Variants in ANKRD44 observed in about 807,000 individuals in gnomAD.
ANKRD44 encodes the protein ankyrin repeat domain 44.
In ANKRD44, 35 loss-of-function variants were observed where a neutral mutation model predicts 116.0. That is an observed-to-expected ratio of 0.30 (90% CI 0.23 to 0.40). The LOEUF (loss-of-function observed/expected upper bound fraction) is 0.40. ANKRD44 is among the 10% of genes least tolerant of loss of function. The pLI is 1.00. For missense variants in ANKRD44, 1,014 were observed against 1,242.6 expected (o/e 0.82, Z 2.77); for synonymous variants, 435 against 461.8 (o/e 0.94, Z 0.74).
rs2125275959 is a variant in ANKRD44 at position 197,110,858 on chromosome 2, A to G, written c.907-14T>C. The G allele has an allele frequency of 1.2e-6, 2 of 1,609,542 alleles. No individual in the cohort carries two copies. Among genetic ancestry groups the G allele is most frequent in the East Asian group, 4.5e-5 (2 of 44,854 alleles). On this transcript the variant is annotated splice_polypyrimidine_tract_variant and intron_variant, in intron 8 of 27. Coordinates refer to ENST00000282272, the MANE Select transcript of ANKRD44 (RefSeq NM_001195144.2). ...GCCATCTTTACTCTAAAAAAAAGAGAGGGAGAGAAAAACAATGGAGGTGCT... is the reference window on the plus strand; with the variant it reads ...GCCATCTTTACTCTAAAAAAAAGAGGGGGAGAGAAAAACAATGGAGGTGCT...
intron 3 of ANKRD44, among the ~76,000 whole-genome samples, chr2:197,144,370 G>A (rs1382739103): frequency 2.0e-5 from 3 of 152,152 alleles, no homozygotes; most frequent in East Asian, 1.9e-4. Flanking sequence ...ATTAAATTAG[G>A]AAACAGTTTG....
chr2:197,257,868 T>C (rs1320680464), intron 1 of ANKRD44, among the ~76,000 whole-genome samples: 1 of 152,222 alleles, frequency 6.6e-6, no homozygotes, highest in Non-Finnish European at 1.5e-5. Flanking sequence ...TGAAACTCCG[T>C]GCCAATTAAA....
At chr2:197,079,226 G>A (rs976039185) in intron 15 of ANKRD44, among the ~76,000 whole-genome samples, 4 of 151,652 alleles carry the variant, frequency 2.6e-5, no homozygotes, top group Admixed American at 2.6e-4. Flanking sequence ...AATAGGGAGG[G>A]GTTTACTCTT....
intron 1 of ANKRD44, among the ~76,000 whole-genome samples, chr2:197,252,789 AT>A (rs2105672927): frequency 6.6e-6 from 1 of 152,278 alleles, no homozygotes; most frequent in South Asian, 2.1e-4. Flanking sequence ...ATTTATATTG[AT>A]TTTTAAATGC....
intron 4 of ANKRD44, among the ~76,000 whole-genome samples, chr2:197,128,473 T>G (rs1361299462): frequency 6.6e-6 from 1 of 152,242 alleles, no homozygotes; most frequent in Non-Finnish European, 1.5e-5. Context: ...CTTTGCCCAC[T>G]TTTTAAAGGG....
chr2:197,172,356 C>T (rs932381078), intron 2 of ANKRD44, among the ~76,000 whole-genome samples: 6 of 152,112 alleles, frequency 3.9e-5, no homozygotes, highest in African/African-American at 1.4e-4. Flanking sequence ...GGTAGGTAAG[C>T]TGAAAAGCTC....
intron 10 of ANKRD44, among the ~76,000 whole-genome samples, chr2:197,091,541 T>C (rs1375608270): frequency 6.6e-6 from 1 of 152,160 alleles, no homozygotes; most frequent in African/African-American, 2.4e-5. Context: ...GTGTATTTTG[T>C]AGAGACAGGG....
At chr2:197,075,202 T>TA (rs935366222) in intron 16 of ANKRD44, among the ~76,000 whole-genome samples, 12 of 152,236 alleles carry the variant, frequency 7.9e-5, no homozygotes, top group Non-Finnish European at 1.3e-4. Flanking sequence ...TCCATTTCAA[T>TA]AAAAAAGCCT....
intron 21 of ANKRD44, among the ~76,000 whole-genome samples, chr2:196,978,083 C>T (rs2125862904): frequency 2.0e-5 from 3 of 152,254 alleles, no homozygotes; most frequent in Middle Eastern, 3.4e-3. Flanking sequence ...TGTTTGTTCC[C>T]TCCAAATCTC....
chr2:196,971,946 C>T (rs1041586775), intron 21 of ANKRD44, among the ~76,000 whole-genome samples: 1 of 152,202 alleles, frequency 6.6e-6, no homozygotes, highest in African/African-American at 2.4e-5. Flanking sequence ...GGATCTCTAT[C>T]CCAGCTCTGT....
chr2:197,308,127 T>C (rs1008124666), intron 1 of ANKRD44, among the ~76,000 whole-genome samples: 4 of 147,500 alleles, frequency 2.7e-5, no homozygotes, highest in East Asian at 2.0e-4. Flanking sequence ...GCCATGATCA[T>C]ACTATCGAGT....
At chr2:197,010,357 C>T (rs761501473) in intron 18 of ANKRD44, among the ~76,000 whole-genome samples, 7 of 152,042 alleles carry the variant, frequency 4.6e-5, no homozygotes, top group African/African-American at 9.7e-5. Context: ...CGTGCCTGGC[C>T]GAGGTGTGAC....
chr2:197,308,131 A>G (rs2084128369), intron 1 of ANKRD44, among the ~76,000 whole-genome samples: 1 of 150,110 alleles, frequency 6.7e-6, no homozygotes, highest in African/African-American at 2.5e-5. Flanking sequence ...TGATCATACT[A>G]TCGAGTCAGA....
At chr2:197,194,280 T>C (rs184612924) in intron 1 of ANKRD44, among the ~76,000 whole-genome samples, 332 of 152,324 alleles carry the variant, frequency 2.2e-3, no homozygotes, top group Admixed American at 5.0e-3. Flanking sequence ...AAGTCTAATC[T>C]ATAAAGCCAA....
chr2:197,254,717 T>C (rs2082405185), intron 1 of ANKRD44, among the ~76,000 whole-genome samples: 1 of 150,926 alleles, frequency 6.6e-6, no homozygotes, highest in Non-Finnish European at 1.5e-5. Context: ...TCCACCTTAC[T>C]GTGTGTGTAT....
At chr2:197,038,187 C>T (rs1202424101) in intron 16 of ANKRD44, among the ~76,000 whole-genome samples, 1 of 152,070 alleles carries the variant, frequency 6.6e-6, no homozygotes, top group African/African-American at 2.4e-5. Flanking sequence ...GTAGGTCCAT[C>T]ACTTGTAACA....
intron 1 of ANKRD44, among the ~76,000 whole-genome samples, chr2:197,290,759 T>C (rs1210728903): frequency 6.6e-6 from 1 of 152,234 alleles, no homozygotes; most frequent in Non-Finnish European, 1.5e-5. Context: ...ATCACATTTC[T>C]ATTACAAAGC....
At chr2:197,257,057 G>A (rs541201820) in intron 1 of ANKRD44, among the ~76,000 whole-genome samples, 1 of 152,268 alleles carries the variant, frequency 6.6e-6, no homozygotes, top group African/African-American at 2.4e-5. Flanking sequence ...AAGAATAGGT[G>A]AAAACACCAA....
intron 9 of ANKRD44, among the ~76,000 whole-genome samples, chr2:197,105,918 G>T (rs1045102496): frequency 6.6e-5 from 10 of 152,152 alleles, no homozygotes; most frequent in African/African-American, 2.4e-4. Context: ...AGAGAAGTCT[G>T]CCCTGGACAA....
Sources: allele counts gnomAD v4.1 joint callset (sites outside exome capture counted in the v4.1 genomes callset), GRCh38; gene constraint gnomAD v4.1.1; transcripts MANE v1.5; gene names NCBI Gene and HGNC (gene_info 2026-07-23, HGNC 2026-07-21).